LIN28B: variants seen among roughly 807,000 people sequenced by gnomAD.
LIN28B encodes the protein protein lin-28 homolog B.
Under a neutral mutation model 21.9 loss-of-function variants are expected in LIN28B, and 5 were observed. The ratio of observed to expected loss-of-function variants is 0.23; its 90% CI spans 0.12 to 0.48. The LOEUF (loss-of-function observed/expected upper bound fraction) is 0.48. Among genes scored for constraint, LIN28B ranks in the 20% least tolerant of loss-of-function variants. LIN28B has a pLI of 0.98. For synonymous variants in LIN28B, 109 were observed against 111.3 expected, an observed-to-expected ratio of 0.98 and a Z score of 0.13; for missense variants, 245 against 310.5, an observed-to-expected ratio of 0.79 and a Z score of 1.58.
intron 2 of LIN28B, among the ~76,000 whole-genome samples, chr6:104,938,889 CA>C (rs1041089972): frequency 2.6e-5 from 4 of 151,376 alleles, no homozygotes; most frequent in Non-Finnish European, 4.4e-5. Context: ...AGTTTGAAAT[CA>C]AAAAAAAGGA....
intron 3 of LIN28B, among the ~76,000 whole-genome samples, chr6:105,059,465 T>C (rs1772084259): frequency 6.6e-6 from 1 of 152,222 alleles, no homozygotes; most frequent in Non-Finnish European, 1.5e-5. Flanking sequence ...TTAGCATCTC[T>C]TCAAGTTTCA....
chr6:105,033,610 A>G (rs111827739), intron 3 of LIN28B, among the ~76,000 whole-genome samples: 1 of 152,082 alleles, frequency 6.6e-6, no homozygotes, highest in Middle Eastern at 3.4e-3. Flanking sequence ...AAACGAAATA[A>G]TTTCTGATTT....
intron 2 of LIN28B, among the ~76,000 whole-genome samples, chr6:104,946,040 C>G (rs1211561988): frequency 2.6e-5 from 4 of 151,828 alleles, no homozygotes; most frequent in African/African-American, 9.7e-5. Context: ...AAAAATACTA[C>G]CCTCTGATTT....
chr6:105,079,884 T>A lies in LIN28B; in HGVS notation c.*1101T>A, dbSNP rs997213477. The A allele has an allele frequency of 2.6e-5, 4 of 152,098 alleles. No homozygotes were observed. Among genetic ancestry groups the A allele is most frequent in the African/African-American group, 9.7e-5 (4 of 41,420 alleles). The allele number at this position is 152,098 out of a possible 1,614,324, so 9.4% of individuals were successfully genotyped here. ...TGAATTAAATACTGGGGTTGAGAAT[T>A]AAAATTAAGTGGATGTTCACAGTTG... is the stretch of plus-strand genomic sequence containing the variant. On this transcript the variant is annotated 3_prime_UTR_variant, in exon 4 of 4. Transcript: ENST00000345080.
chr6:104,996,222 G>A (rs1417737524), intron 2 of LIN28B, among the ~76,000 whole-genome samples: 1 of 152,122 alleles, frequency 6.6e-6, no homozygotes, highest in Non-Finnish European at 1.5e-5. Flanking sequence ...CTGTGGTTGG[G>A]TATCTTAACA....
At position 105,019,365 on chromosome 6, in the gene LIN28B, G is replaced by A. The variant is rs368398336; in HGVS notation, c.199-6933G>A. Among the ~76,000 whole-genome samples the A allele has an allele frequency of 1.7e-4, 26 of 152,268 alleles. No homozygotes were observed. In the East Asian group the frequency reaches 3.7e-3, roughly 21 times the overall value. On this transcript the variant is annotated intron_variant, in intron 2 of 3. Transcript: ENST00000345080. ...TAGAGAGCCAGTTTTTACACCAGTG[G>A]TCTTCTCATTGTCAGAATGAATAGG... is the stretch of plus-strand genomic sequence containing the variant.
intron 2 of LIN28B, among the ~76,000 whole-genome samples, chr6:104,978,068 C>T (rs1309687270): frequency 1.3e-5 from 2 of 152,180 alleles, no homozygotes; most frequent in Non-Finnish European, 2.9e-5. Flanking sequence ...ATATTCCATC[C>T]CCTTCTAATA....
chr6:104,944,234 A>T (rs550351185), intron 2 of LIN28B, among the ~76,000 whole-genome samples: 1 of 152,280 alleles, frequency 6.6e-6, no homozygotes, highest in South Asian at 2.1e-4. Flanking sequence ...TTGATTTTGA[A>T]TAATGTCAGT....
intron 3 of LIN28B, among the ~76,000 whole-genome samples, chr6:105,027,442 A>G (rs1257518477): frequency 1.3e-5 from 2 of 151,946 alleles, no homozygotes; most frequent in Non-Finnish European, 2.9e-5. Flanking sequence ...TTTTTCTTCT[A>G]AGAATTGTAC....
At chr6:104,985,922 C>T (rs1473557423) in intron 2 of LIN28B, among the ~76,000 whole-genome samples, 1 of 152,140 alleles carries the variant, frequency 6.6e-6, no homozygotes, top group Non-Finnish European at 1.5e-5. Flanking sequence ...GTGAATTACA[C>T]TGGAACCTTT....
intron 2 of LIN28B, among the ~76,000 whole-genome samples, chr6:105,021,659 A>G (rs1416140865): frequency 6.6e-6 from 1 of 152,100 alleles, no homozygotes; most frequent in Admixed American, 6.5e-5. Context: ...CAAAATGTCT[A>G]TTCATGTTCT....
intron 2 of LIN28B, among the ~76,000 whole-genome samples, chr6:104,964,476 A>G (rs1769816277): frequency 2.0e-5 from 3 of 152,342 alleles, no homozygotes; most frequent in Non-Finnish European, 1.5e-5. Flanking sequence ...ATTATCAAAG[A>G]CTATCAGTTC....
chr6:105,068,503 C>T (rs1212801861), intron 3 of LIN28B, among the ~76,000 whole-genome samples: 2 of 152,110 alleles, frequency 1.3e-5, no homozygotes, highest in Non-Finnish European at 2.9e-5. Context: ...ATAGAGTATT[C>T]ATTTCCACTG....
intron 2 of LIN28B, among the ~76,000 whole-genome samples, chr6:104,939,064 C>A (rs555461936): frequency 1.3e-5 from 2 of 152,070 alleles, no homozygotes; most frequent in South Asian, 4.2e-4. Flanking sequence ...TTAAAAAAAA[C>A]AGTTCATTCT....
intron 2 of LIN28B, among the ~76,000 whole-genome samples, chr6:104,986,536 A>G (rs1300160984): frequency 6.8e-6 from 1 of 148,068 alleles, no homozygotes; most frequent in African/African-American, 2.5e-5. Flanking sequence ...TTCTACCAAA[A>G]AAAAAAAAAA....
chr6:105,031,146 A>G (rs1562099288), intron 3 of LIN28B, among the ~76,000 whole-genome samples: 1 of 151,774 alleles, frequency 6.6e-6, no homozygotes, highest in African/African-American at 2.4e-5. Context: ...AAACTTTTAA[A>G]TTTTCATTTA....
chr6:104,974,077 C>T (rs1027164073), intron 2 of LIN28B, among the ~76,000 whole-genome samples: 11 of 152,110 alleles, frequency 7.2e-5, no homozygotes, highest in Non-Finnish European at 1.3e-4. Flanking sequence ...CACAGACTGA[C>T]TCATAAAATA....
chr6:105,066,200 G>A (rs62419626), intron 3 of LIN28B, among the ~76,000 whole-genome samples: 3,987 of 152,224 alleles, frequency 0.026, 83 homozygotes, highest in Middle Eastern at 0.041. Context: ...TAGTAAGTAG[G>A]AAGTGCTAGT....
intron 2 of LIN28B, among the ~76,000 whole-genome samples, chr6:105,014,376 G>T (rs1460177854): frequency 2.0e-5 from 3 of 152,206 alleles, no homozygotes; most frequent in Non-Finnish European, 4.4e-5. Flanking sequence ...CTGGAGTGCA[G>T]TGGCGCAATC....
Sources: gnomAD v4.1 joint callset for allele counts (sites outside exome capture counted in the v4.1 genomes callset) on GRCh38, gnomAD v4.1.1 for gene constraint, MANE v1.5 for transcripts, NCBI Gene and HGNC (gene_info 2026-07-23, HGNC 2026-07-21) for gene names.